Variants in SYT1 observed in about 807,000 individuals in gnomAD.
SYT1 encodes the protein synaptotagmin-1.
In SYT1, 8 loss-of-function variants were observed where a neutral mutation model predicts 44.8. The observed-to-expected ratio is 0.18, with a 90% CI of 0.10 to 0.32. The LOEUF is 0.32. SYT1 is among the 10% of genes least tolerant of loss of function. SYT1 has a pLI of 1.00. For synonymous variants in SYT1, 154 were observed against 188.8 expected (o/e 0.82, Z 1.51); for missense variants, 286 against 509.3 (o/e 0.56, Z 4.22).
chr12:78,875,880 G>C (rs1874040873), intron 1 of SYT1, among the ~76,000 whole-genome samples: 1 of 151,408 alleles, frequency 6.6e-6, no homozygotes, highest in South Asian at 2.1e-4. Context: ...CTTTTATTCT[G>C]TATATTCCTC....
At chr12:79,165,885 A>G (rs2400370) in intron 3 of SYT1, among the ~76,000 whole-genome samples, 12,543 of 152,020 alleles carry the variant, frequency 0.083, 680 homozygotes, top group African/African-American at 0.15. Flanking sequence ...GGAAACTTAA[A>G]TTTCATTACT....
intron 2 of SYT1, among the ~76,000 whole-genome samples, chr12:79,042,207 C>T (rs1467378881): frequency 2.6e-5 from 4 of 151,882 alleles, no homozygotes; most frequent in South Asian, 4.1e-4. Flanking sequence ...ATGGTACCAG[C>T]TCCTCCTTAT....
At chr12:79,164,237 A>G (rs916874701) in intron 3 of SYT1, among the ~76,000 whole-genome samples, 4 of 152,120 alleles carry the variant, frequency 2.6e-5, no homozygotes, top group Non-Finnish European at 2.9e-5. Context: ...TGGTGTCCCA[A>G]GACACTACTG....
intron 1 of SYT1, among the ~76,000 whole-genome samples, chr12:78,875,190 CTGAAT>C (rs1158049065): frequency 1.3e-5 from 2 of 151,470 alleles, no homozygotes; most frequent in African/African-American, 4.8e-5. Flanking sequence ...TTGTTGTACT[CTGAAT>C]TGAAGAGGAA....
intron 4 of SYT1, among the ~76,000 whole-genome samples, chr12:79,274,528 A>C (rs1365647003): frequency 6.6e-6 from 1 of 152,016 alleles, no homozygotes; most frequent in East Asian, 1.9e-4. Context: ...CTTCCTTTCA[A>C]CCTCCGCTGC....
At chr12:79,098,731 C>T (rs1878286439) in intron 3 of SYT1, among the ~76,000 whole-genome samples, 1 of 152,118 alleles carries the variant, frequency 6.6e-6, no homozygotes, top group African/African-American at 2.4e-5. Context: ...CAGGAGAAAA[C>T]CACGTGTTAG....
chr12:79,404,403 A>G (rs1006841056), intron 9 of SYT1, among the ~76,000 whole-genome samples: 1 of 152,174 alleles, frequency 6.6e-6, no homozygotes, highest in Non-Finnish European at 1.5e-5. Flanking sequence ...CAAAAGTAGC[A>G]TTTGCAAATA....
intron 1 of SYT1, among the ~76,000 whole-genome samples, chr12:78,931,208 A>G (rs1877636606): frequency 4.5e-5 from 2 of 44,802 alleles, no homozygotes; most frequent in Non-Finnish European, 7.4e-5. Flanking sequence ...AGAAAGAAAG[A>G]AAGAAAGAAA....
intron 9 of SYT1, among the ~76,000 whole-genome samples, chr12:79,406,522 A>G (rs570495065): frequency 6.6e-6 from 1 of 152,294 alleles, no homozygotes; most frequent in East Asian, 1.9e-4. Flanking sequence ...ATCCAGCACT[A>G]TCATTATTCT....
chr12:79,109,067 G>A (rs956483779), intron 3 of SYT1, among the ~76,000 whole-genome samples: 1 of 152,124 alleles, frequency 6.6e-6, no homozygotes, highest in East Asian at 1.9e-4. Context: ...TCTCCACAAG[G>A]CCAGGGGCCC....
At chr12:79,012,131 CAAA>C (rs374383589) in intron 2 of SYT1, among the ~76,000 whole-genome samples, 6 of 73,480 alleles carry the variant, frequency 8.2e-5, no homozygotes, top group Admixed American at 3.1e-4. Context: ...GATTCTGTCT[CAAA>C]AAAAAAAAAA....
intron 2 of SYT1, among the ~76,000 whole-genome samples, chr12:79,043,274 G>C (rs1242884577): frequency 1.3e-5 from 2 of 149,892 alleles, no homozygotes; most frequent in Non-Finnish European, 3.0e-5. Context: ...TCTCTTTGTG[G>C]GTCACTCAGG....
intron 1 of SYT1, among the ~76,000 whole-genome samples, chr12:78,921,883 AAG>A (rs563715628): frequency 6.6e-6 from 1 of 151,934 alleles, no homozygotes; most frequent in Non-Finnish European, 1.5e-5. Context: ...AATAAGCAAA[AAG>A]AGGAATATTT....
In SYT1 at chr12:79,237,969, A is replaced by G. The variant is rs140466207; in HGVS notation, c.166+20284A>G. 6.1e-3 allele frequency among the ~76,000 whole-genome samples: 924 copies of G among 152,350 alleles called. 5 individuals carry two copies. The highest frequency in any genetic ancestry group is 9.1e-3 in the Non-Finnish European group (622 of 68,028). On this transcript the variant is annotated intron_variant, in intron 4 of 10. Coordinates refer to ENST00000261205, the MANE Select transcript of SYT1 (RefSeq NM_005639.3). ...TAAGATCAAAGGAAATACAACTTGT[A>G]TGGGAATGACAGAAAAGGAGTTAAG...
intron 3 of SYT1, among the ~76,000 whole-genome samples, chr12:79,057,994 C>A (rs1402984708): frequency 1.3e-5 from 2 of 151,940 alleles, no homozygotes; most frequent in Admixed American, 1.3e-4. Context: ...TGCCTAGTAA[C>A]ATAATTCCAG....
At chr12:79,446,938 G>T (rs1870768421) in intron 10 of SYT1, among the ~76,000 whole-genome samples, 1 of 152,022 alleles carries the variant, frequency 6.6e-6, no homozygotes, top group South Asian at 2.1e-4. Flanking sequence ...ATAAAGCAAG[G>T]CATTGAGATG....
At chr12:78,883,837 T>C (rs1400052528) in intron 1 of SYT1, among the ~76,000 whole-genome samples, 1 of 151,694 alleles carries the variant, frequency 6.6e-6, no homozygotes, top group Non-Finnish European at 1.5e-5. Flanking sequence ...GTTCTGTCAC[T>C]GAAAAAGTTA....
intron 2 of SYT1, among the ~76,000 whole-genome samples, chr12:79,041,453 G>T (rs1873565664): frequency 6.6e-6 from 1 of 150,818 alleles, no homozygotes; most frequent in Non-Finnish European, 1.5e-5. Flanking sequence ...AAGAATGCTT[G>T]TGATTTTTGT....
chr12:78,898,563 A>G (rs1875487872), intron 1 of SYT1, among the ~76,000 whole-genome samples: 1 of 152,066 alleles, frequency 6.6e-6, no homozygotes, highest in African/African-American at 2.4e-5. Context: ...CCAACAATCC[A>G]TCAAGAAACA....
Sources: gnomAD v4.1 joint callset for allele counts (sites outside exome capture counted in the v4.1 genomes callset) on GRCh38, gnomAD v4.1.1 for gene constraint, MANE v1.5 for transcripts, NCBI Gene and HGNC (gene_info 2026-07-23, HGNC 2026-07-21) for gene names.